PRMT3: variants seen among roughly 807,000 people sequenced by gnomAD.
PRMT3 encodes protein arginine methyltransferase 3.
A neutral mutation model predicts 71.9 loss-of-function variants in PRMT3; 62 were observed. That is an observed-to-expected ratio of 0.86 (90% CI 0.70 to 1.07). The LOEUF (loss-of-function observed/expected upper bound fraction) is 1.07. Among genes scored for constraint, PRMT3 ranks in the 50% least tolerant of loss-of-function variants. PRMT3 has a pLI of 0.00. For synonymous variants in PRMT3, 213 were observed against 220.4 expected, an observed-to-expected ratio of 0.97 and a Z score of 0.30; for missense variants, 663 against 643.0, an observed-to-expected ratio of 1.03 and a Z score of -0.34.
rs542494925 is a variant in PRMT3 at position 20,399,712 on chromosome 11, A to G, written c.705+1991A>G. Among the ~76,000 whole-genome samples the G allele has an allele frequency of 4.2e-4, 64 of 152,296 alleles. No homozygotes were observed. In the South Asian group the frequency reaches 0.011, roughly 26 times the overall value. On this transcript the variant is annotated intron_variant, in intron 7 of 15. Transcript: ENST00000331079. Reference sequence around the variant, plus strand: ...TAGAGTGTTGAGTGTTGTGAGTACAATCATCAGGGAAATTCAGTTTGAGTA... The same window carrying G: ...TAGAGTGTTGAGTGTTGTGAGTACAGTCATCAGGGAAATTCAGTTTGAGTA...
chr11:20,392,889 A>G lies in PRMT3; in HGVS notation c.298-8A>G, dbSNP rs756481864. ...ATGAAAAAAACATGAGATTAATTTT[A>G]TATCCAGAATCCTACAGTTGAGTAC... On this transcript the variant is annotated splice_polypyrimidine_tract_variant and splice_region_variant and intron_variant, in intron 4 of 15. Transcript: ENST00000331079. 14 of 1,518,248 alleles carry G rather than the reference A, an allele frequency of 9.2e-6. No individual in the cohort carries two copies. The highest frequency in any genetic ancestry group is 2.3e-5 in the East Asian group (1 of 44,306). 94.0% of individuals were successfully genotyped at this position (1,518,248 alleles called of 1,614,324 possible).
At chr11:20,496,915 TTC>T (rs1851347171) in intron 15 of PRMT3, among the ~76,000 whole-genome samples, 1 of 152,224 alleles carries the variant, frequency 6.6e-6, no homozygotes, top group Admixed American at 6.5e-5. Flanking sequence ...TGGTGTCATT[TTC>T]TCTGTCTGCA....
At chr11:20,487,412 A>T (rs1851100570) in intron 13 of PRMT3, among the ~76,000 whole-genome samples, 1 of 152,240 alleles carries the variant, frequency 6.6e-6, no homozygotes, top group African/African-American at 2.4e-5. Flanking sequence ...GATGAATTTC[A>T]TAAACAATAT....
At chr11:20,426,733 T>C (rs778926351) in intron 9 of PRMT3, 33 bp from the exon 10 acceptor site, 1 of 1,414,070 alleles carries the variant, frequency 7.1e-7, no homozygotes, top group Non-Finnish European at 9.2e-7. Context: ...AGAATCTGTT[T>C]AACCTACTAA....
At chr11:20,472,606 C>T (rs983636391) in intron 13 of PRMT3, among the ~76,000 whole-genome samples, 9 of 152,088 alleles carry the variant, frequency 5.9e-5, no homozygotes, top group Admixed American at 2.6e-4. Context: ...CATTGATGTT[C>T]ATCAAGGATA....
intron 10 of PRMT3, among the ~76,000 whole-genome samples, chr11:20,436,049 G>T (rs1416933181): frequency 6.6e-6 from 1 of 152,104 alleles, no homozygotes; most frequent in Non-Finnish European, 1.5e-5. Flanking sequence ...TTTGTTTAAA[G>T]TTATTCCTAA....
At chr11:20,415,036 G>GTA (rs71063633) in intron 9 of PRMT3, among the ~76,000 whole-genome samples, 45,658 of 150,978 alleles carry the variant, frequency 0.3, 8,673 homozygotes, top group Non-Finnish European at 0.43. Context: ...GTGTGTGTGT[G>GTA]TGTGTGTGTG....
chr11:20,494,617 C>T (rs913473203), intron 15 of PRMT3, among the ~76,000 whole-genome samples: 7 of 152,150 alleles, frequency 4.6e-5, no homozygotes, highest in Admixed American at 3.3e-4. Context: ...TGAGCCACTG[C>T]GCCTGGCCTG....
At chr11:20,506,774 A>G (rs1565244622) in intron 15 of PRMT3, among the ~76,000 whole-genome samples, 1 of 152,190 alleles carries the variant, frequency 6.6e-6, no homozygotes, top group Non-Finnish European at 1.5e-5. Context: ...TGTTATCTTA[A>G]TATTATTTAA....
intron 3 of PRMT3, among the ~76,000 whole-genome samples, chr11:20,390,475 C>A (rs371335279): frequency 2.6e-5 from 4 of 152,272 alleles, no homozygotes; most frequent in East Asian, 3.9e-4. Flanking sequence ...TGAAAAAAGA[C>A]AATCAGCTCA....
intron 13 of PRMT3, among the ~76,000 whole-genome samples, chr11:20,478,312 T>A (rs77015663): frequency 1.3e-5 from 2 of 151,896 alleles, no homozygotes; most frequent in Non-Finnish European, 2.9e-5. Flanking sequence ...GGAAAATAAA[T>A]CTGGGCCTAC....
intron 9 of PRMT3, among the ~76,000 whole-genome samples, chr11:20,409,976 G>T (rs1447695958): frequency 6.6e-6 from 1 of 152,020 alleles, no homozygotes; most frequent in African/African-American, 2.4e-5. Context: ...ATTTCTACTA[G>T]AATTTCTAGT....
At chr11:20,471,973 C>T (rs1772391372) in intron 13 of PRMT3, among the ~76,000 whole-genome samples, 1 of 151,852 alleles carries the variant, frequency 6.6e-6, no homozygotes, top group African/African-American at 2.4e-5. Context: ...TGAATGGGAG[C>T]TCATTCATGA....
chr11:20,438,986 C>G (rs1849823650), intron 10 of PRMT3, among the ~76,000 whole-genome samples: 1 of 152,186 alleles, frequency 6.6e-6, no homozygotes, highest in Non-Finnish European at 1.5e-5. Context: ...GCTCACAACT[C>G]TGCCTGGGGA....
intron 10 of PRMT3, among the ~76,000 whole-genome samples, chr11:20,432,402 G>T (rs548194225): frequency 5.3e-4 from 81 of 152,098 alleles, no homozygotes; most frequent in African/African-American, 1.9e-3. Context: ...AATACAAATT[G>T]TCTCCTATAA....
At chr11:20,392,033 A>G (rs549669925) in intron 3 of PRMT3, among the ~76,000 whole-genome samples, 178 bp from the exon 4 acceptor site, 126 of 152,350 alleles carry the variant, frequency 8.3e-4, no homozygotes, top group African/African-American at 3.0e-3. Flanking sequence ...CTGCTTCTCA[A>G]GATATTCAGA....
chr11:20,417,291 A>G (rs1198485786), intron 9 of PRMT3, among the ~76,000 whole-genome samples: 5 of 152,214 alleles, frequency 3.3e-5, no homozygotes, highest in Non-Finnish European at 5.9e-5. Context: ...ATAAATATGT[A>G]TACTTCGATG....
chr11:20,464,394 A>ATT, intron 12 of PRMT3, 66 bp from the exon 13 acceptor site: 1 of 1,492,864 alleles, frequency 6.7e-7, no homozygotes, highest in Non-Finnish European at 8.9e-7. Context: ...TTTTTGTTTT[A>ATT]TTTTTTGTTT....
chr11:20,442,224 A>T (rs1378181552), intron 10 of PRMT3, among the ~76,000 whole-genome samples: 7 of 150,996 alleles, frequency 4.6e-5, no homozygotes, highest in African/African-American at 1.5e-4. Flanking sequence ...TTTTTTTTTT[A>T]AAGTCACTTG....
Sources: gnomAD v4.1 joint callset for allele counts (sites outside exome capture counted in the v4.1 genomes callset) on GRCh38, gnomAD v4.1.1 for gene constraint, MANE v1.5 for transcripts, NCBI Gene and HGNC (gene_info 2026-07-23, HGNC 2026-07-21) for gene names.